Variants in ZNF804B observed in about 807,000 individuals in gnomAD.
ZNF804B encodes the protein zinc finger 804B.
ZNF804B carries 80 observed loss-of-function variants against 101.4 expected under a neutral mutation model. The observed-to-expected ratio is 0.79, with a 90% CI of 0.66 to 0.95. The LOEUF (loss-of-function observed/expected upper bound fraction) is 0.95. ZNF804B is among the 40% of genes least tolerant of loss of function. ZNF804B has a pLI of 0.00. For missense variants in ZNF804B, 1,673 were observed against 1,561.9 expected (o/e 1.07, Z -1.20); for synonymous variants, 622 against 558.8 (o/e 1.11, Z -1.59).
At chr7:89,037,719 A>G (rs1788950515) in intron 1 of ZNF804B, among the ~76,000 whole-genome samples, 2 of 152,060 alleles carry the variant, frequency 1.3e-5, no homozygotes, top group Non-Finnish European at 2.9e-5. Flanking sequence ...ATTATTAAGT[A>G]TAGTCACCAT....
chr7:89,047,905 T>TCC (rs1174153655), intron 1 of ZNF804B, among the ~76,000 whole-genome samples: 87 of 147,616 alleles, frequency 5.9e-4, no homozygotes, highest in South Asian at 2.6e-3. Flanking sequence ...TTTTTTTTTT[T>TCC]CCCCCTTTGG....
chr7:89,137,337 A>G (rs115079700), intron 1 of ZNF804B, among the ~76,000 whole-genome samples: 78 of 152,108 alleles, frequency 5.1e-4, no homozygotes, highest in African/African-American at 1.9e-3. Context: ...TATCTCTGAA[A>G]TTTGGAACTT....
chr7:89,335,889 A>G lies in ZNF804B; in HGVS notation c.2907A>G (p.Pro969=), dbSNP rs754800665. 3 of 1,614,140 alleles carry G rather than the reference A, an allele frequency of 1.9e-6. No homozygotes were observed. The highest frequency in any genetic ancestry group is 3.3e-5 in the Admixed American group (2 of 60,010). ...SQVPCTIQLA[P]SGCNRQALPL... ...TCCCATGCACAATTCAACTTGCACC[A>G]TCAGGCTGTAACAGACAAGCATTGC... Residue 969 remains proline, a synonymous_variant, in exon 4 of 4, where the codon CCA becomes CCG. Transcript: ENST00000333190.
At chr7:88,799,703 G>C (rs35995065) in intron 1 of ZNF804B, among the ~76,000 whole-genome samples, 14,929 of 152,080 alleles carry the variant, frequency 0.098, 1,160 homozygotes, top group East Asian at 0.31. Flanking sequence ...CTGGAGCTTA[G>C]AGTCCAGATT....
intron 2 of ZNF804B, among the ~76,000 whole-genome samples, chr7:89,226,589 A>C (rs1789092011): frequency 6.6e-6 from 1 of 152,078 alleles, no homozygotes; most frequent in Non-Finnish European, 1.5e-5. Flanking sequence ...TTTACTATCC[A>C]ATCACAAACT....
At chr7:89,249,889 C>A (rs1010490003) in intron 2 of ZNF804B, among the ~76,000 whole-genome samples, 1 of 152,032 alleles carries the variant, frequency 6.6e-6, no homozygotes, top group Non-Finnish European at 1.5e-5. Flanking sequence ...AGACTGCTAA[C>A]TAGACTAACA....
chr7:89,269,323 T>G (rs1789847558), intron 2 of ZNF804B, among the ~76,000 whole-genome samples: 1 of 152,138 alleles, frequency 6.6e-6, no homozygotes, highest in Non-Finnish European at 1.5e-5. Context: ...GTTTGGTTTT[T>G]TGTCCTTGTG....
At chr7:89,044,974 C>T (rs1264259556) in intron 1 of ZNF804B, among the ~76,000 whole-genome samples, 2 of 152,170 alleles carry the variant, frequency 1.3e-5, no homozygotes, top group East Asian at 3.9e-4. Flanking sequence ...CACAGTAGCC[C>T]CATCCATCAC....
chr7:89,006,336 T>C (rs530974497), intron 1 of ZNF804B, among the ~76,000 whole-genome samples: 1 of 152,246 alleles, frequency 6.6e-6, no homozygotes, highest in East Asian at 1.9e-4. Context: ...TCGTGCCTCT[T>C]ATCATAGATG....
At chr7:88,947,178 A>C (rs941795926) in intron 1 of ZNF804B, among the ~76,000 whole-genome samples, 2 of 151,930 alleles carry the variant, frequency 1.3e-5, no homozygotes, top group Admixed American at 6.6e-5. Flanking sequence ...TATACCCAAA[A>C]CATTATAAAT....
In ZNF804B at chr7:89,333,840, C is replaced by A. The variant is rs1228106632; in HGVS notation, c.858C>A (p.Ser286Arg). 6.2e-7 allele frequency: 1 copy of A among 1,613,340 alleles called. No individual in the cohort carries two copies. Among genetic ancestry groups the A allele is most frequent in the African/African-American group, 1.3e-5 (1 of 74,970 alleles). Residue 286 changes from serine (S) to arginine (R), a missense_variant, in exon 4 of 4, where the codon AGC becomes AGA. Ser to Arg is a moderately radical substitution (Grantham distance 110, BLOSUM62 -1). Coordinates refer to ENST00000333190, the MANE Select transcript of ZNF804B (RefSeq NM_181646.5). ...AAAAAGAGGTAAATATCTCACCAAG[C>A]CATCTGGAAAGTGTTTTACACAATA... ...TKEKEVNISP[S>R]HLESVLHNTI...
At chr7:88,827,300 T>C (rs1015790453) in intron 1 of ZNF804B, among the ~76,000 whole-genome samples, 10 of 151,786 alleles carry the variant, frequency 6.6e-5, no homozygotes, top group Non-Finnish European at 1.3e-4. Context: ...ATATATATAA[T>C]AATTATAAAG....
At chr7:88,789,765 T>A (rs890190066) in intron 1 of ZNF804B, among the ~76,000 whole-genome samples, 15 of 152,276 alleles carry the variant, frequency 9.9e-5, no homozygotes, top group African/African-American at 3.6e-4. Flanking sequence ...CTTGTGGAAG[T>A]TGGGGCATTC....
In ZNF804B at chr7:88,798,773, A is replaced by C. The variant is rs111731138; in HGVS notation, c.108+38689A>C. Among the ~76,000 whole-genome samples, 259 of 152,088 alleles carry C rather than the reference A, an allele frequency of 1.7e-3. 2 individuals carry two copies. Among genetic ancestry groups the C allele is most frequent in the Middle Eastern group, 6.8e-3 (2 of 292 alleles). On this transcript the variant is annotated intron_variant, in intron 1 of 3. Transcript: ENST00000333190. ...TTGTCTTGTGTAATTAGAATTGTACACTCTCTGCTCAATGGACATTCAGCT... is the reference window on the plus strand; with the variant it reads ...TTGTCTTGTGTAATTAGAATTGTACCCTCTCTGCTCAATGGACATTCAGCT...
At chr7:88,872,661 T>C (rs1432627796) in intron 1 of ZNF804B, among the ~76,000 whole-genome samples, 1 of 145,750 alleles carries the variant, frequency 6.9e-6, no homozygotes, top group African/African-American at 2.5e-5. Flanking sequence ...GATGTTCCCC[T>C]TCCTGTGTCC....
chr7:89,130,199 G>A (rs182943077), intron 1 of ZNF804B, among the ~76,000 whole-genome samples: 1 of 152,044 alleles, frequency 6.6e-6, no homozygotes, highest in African/African-American at 2.4e-5. Flanking sequence ...AAAGGTGGCT[G>A]CGGGTCCCTT....
intron 1 of ZNF804B, among the ~76,000 whole-genome samples, chr7:88,909,680 T>C (rs913192630): frequency 2.6e-5 from 4 of 151,832 alleles, no homozygotes; most frequent in African/African-American, 9.7e-5. Context: ...GTTAATGCTC[T>C]TATTTCCTAG....
At chr7:88,924,066 T>C (rs1448201709) in intron 1 of ZNF804B, among the ~76,000 whole-genome samples, 1 of 152,088 alleles carries the variant, frequency 6.6e-6, no homozygotes, top group Non-Finnish European at 1.5e-5. Flanking sequence ...TTCTCCAGGA[T>C]AGAGTTCCGA....
At chr7:88,951,250 C>A (rs1284489903) in intron 1 of ZNF804B, among the ~76,000 whole-genome samples, 3 of 151,800 alleles carry the variant, frequency 2.0e-5, no homozygotes, top group African/African-American at 7.2e-5. Context: ...TTCTCTGTCT[C>A]CTTAAAAACA....
Sources: allele counts gnomAD v4.1 joint callset (sites outside exome capture counted in the v4.1 genomes callset), GRCh38; gene constraint gnomAD v4.1.1; transcripts MANE v1.5; gene names NCBI Gene and HGNC (gene_info 2026-07-23, HGNC 2026-07-21).